Variants in PREX2 observed in about 807,000 individuals in gnomAD.
PREX2 encodes the protein phosphatidylinositol-3,4,5-trisphosphate dependent Rac exchange factor 2, also known as phosphatidylinositol 3,4,5-trisphosphate-dependent Rac exchanger 2 protein.
Under a neutral mutation model 203.2 loss-of-function variants are expected in PREX2, and 107 were observed. That is an observed-to-expected ratio of 0.53 (90% CI 0.45 to 0.62). The LOEUF is 0.62. Among genes scored for constraint, PREX2 ranks in the 20% least tolerant of loss-of-function variants. The probability of loss-of-function intolerance (pLI) is 0.00; values close to 1 mark genes in which losing one functional copy is unlikely to be tolerated. For synonymous variants in PREX2, 672 were observed against 663.6 expected, an observed-to-expected ratio of 1.01 and a Z score of -0.19; for missense variants, 1,777 against 1,955.9, an observed-to-expected ratio of 0.91 and a Z score of 1.72.
chr8:68,189,354 G>C (rs543248256), intron 35 of PREX2, among the ~76,000 whole-genome samples: 5 of 152,280 alleles, frequency 3.3e-5, no homozygotes, highest in Non-Finnish European at 5.9e-5. Flanking sequence ...GGGCCTGTAA[G>C]GTCCTGGGGT....
chr8:68,148,881 G>A (rs1472206230), intron 34 of PREX2, among the ~76,000 whole-genome samples: 1 of 152,146 alleles, frequency 6.6e-6, no homozygotes, highest in African/African-American at 2.4e-5. Context: ...CTCCCATGAG[G>A]AATCATTAGT....
At chr8:67,964,950 C>T (rs1008089036) in intron 1 of PREX2, among the ~76,000 whole-genome samples, 4 of 152,098 alleles carry the variant, frequency 2.6e-5, no homozygotes, top group Non-Finnish European at 2.9e-5. Context: ...AATCACAGCC[C>T]GGACTCTTCT....
chr8:68,104,162 T>C (rs899525945), intron 23 of PREX2, among the ~76,000 whole-genome samples: 3 of 152,166 alleles, frequency 2.0e-5, no homozygotes, highest in Non-Finnish European at 2.9e-5. Flanking sequence ...CCTTCAAACA[T>C]GCAGCCTTTC....
intron 1 of PREX2, among the ~76,000 whole-genome samples, chr8:67,997,484 A>G (rs1354216717): frequency 1.3e-5 from 2 of 152,144 alleles, no homozygotes; most frequent in South Asian, 4.1e-4. Flanking sequence ...TGTCCATTTT[A>G]TGCTCATTCT....
At chr8:68,098,950 A>G (rs1031944528) in intron 22 of PREX2, among the ~76,000 whole-genome samples, 9 of 81,700 alleles carry the variant, frequency 1.1e-4, no homozygotes, top group African/African-American at 2.9e-4. Flanking sequence ...ATATATATAT[A>G]TATATATATA....
chr8:68,069,747 A>G (rs757251035), intron 12 of PREX2, 88 bp from the exon 13 acceptor site: 9 of 621,094 alleles, frequency 1.4e-5, no homozygotes, highest in Non-Finnish European at 2.3e-5. Context: ...TAAAATATTG[A>G]CAGTGAATTA....
chr8:68,186,457 G>A (rs887678434), intron 35 of PREX2, among the ~76,000 whole-genome samples: 1 of 152,108 alleles, frequency 6.6e-6, no homozygotes, highest in African/African-American at 2.4e-5. Flanking sequence ...TGTAAAAAAA[G>A]CTTAAGAAAC....
rs774384157 is a variant in PREX2 at position 68,099,727 on chromosome 8, T to C, written c.2599T>C (p.Cys867Arg). ...AKSDEHFVQN[C>R]TSLNSLNEVI... is the part of the protein sequence containing the mutation. ...AAGTGATGAGCATTTTGTACAAAACTGTACCAGCCTAAATTCTCTAAATGA... is the reference window on the plus strand; with the variant it reads ...AAGTGATGAGCATTTTGTACAAAACCGTACCAGCCTAAATTCTCTAAATGA... Residue 867 changes from cysteine to arginine, a missense_variant, in exon 23 of 40, where the codon TGT becomes CGT. By Grantham distance (180) the Cys-to-Arg change is radical (BLOSUM62 -3). Coordinates refer to ENST00000288368, the MANE Select transcript of PREX2 (RefSeq NM_024870.4). The C allele has an allele frequency of 2.7e-5, 44 of 1,614,000 alleles. 3 individuals are homozygous for C. In the South Asian group the frequency reaches 4.3e-4, roughly 16 times the overall value.
intron 1 of PREX2, among the ~76,000 whole-genome samples, chr8:67,971,096 G>T (rs1338236590): frequency 6.6e-6 from 1 of 152,126 alleles, no homozygotes; most frequent in Non-Finnish European, 1.5e-5. Context: ...GATAAAGGTA[G>T]CTTGGGGCCA....
chr8:68,197,948 A>G lies in PREX2; in HGVS notation c.4604+5423A>G, dbSNP rs182328696. Among the ~76,000 whole-genome samples the G allele has an allele frequency of 2.3e-3, 352 of 152,066 alleles. 1 individual carries two copies. The highest frequency in any genetic ancestry group is 8.1e-3 in the African/African-American group (338 of 41,546). On this transcript the variant is annotated intron_variant, in intron 37 of 39. Coordinates refer to ENST00000288368, the MANE Select transcript of PREX2 (RefSeq NM_024870.4). ...TTTATCTTCTTTCTCAATTGTATAT[A>G]AGAAACTACAGAGCGGCATCTTTCT... is the stretch of plus-strand genomic sequence containing the variant.
chr8:68,011,381 G>A (rs918974968), intron 1 of PREX2, among the ~76,000 whole-genome samples: 7 of 151,792 alleles, frequency 4.6e-5, no homozygotes, highest in South Asian at 4.2e-4. Flanking sequence ...AAATGGCTAC[G>A]GCTACAAAGA....
rs553839134 is a variant in PREX2 at position 68,208,475 on chromosome 8, G to T, written c.4605-9141G>T. On this transcript the variant is annotated intron_variant, in intron 37 of 39. Coordinates refer to ENST00000288368, the MANE Select transcript of PREX2 (RefSeq NM_024870.4). ...AAAAAAAATCATGGTACAGAAATTTGTAAGAAATTAAATAACTTCTATGTC... is the reference window on the plus strand; with the variant it reads ...AAAAAAAATCATGGTACAGAAATTTTTAAGAAATTAAATAACTTCTATGTC... 1.9e-3 allele frequency among the ~76,000 whole-genome samples: 283 copies of T among 152,164 alleles called. 2 individuals carry two copies. Among genetic ancestry groups the T allele is most frequent in the Non-Finnish European group, 2.9e-3 (199 of 67,988 alleles).
intron 23 of PREX2, chr8:68,106,221 C>A: frequency 2.2e-6 from 1 of 454,328 alleles, no homozygotes; most frequent in Non-Finnish European, 4.2e-6. Flanking sequence ...GATTTCAGTG[C>A]CTTTATTTGT....
intron 14 of PREX2, among the ~76,000 whole-genome samples, chr8:68,076,987 ATAGT>A (rs1809372550): frequency 6.6e-6 from 1 of 152,182 alleles, no homozygotes; most frequent in Admixed American, 6.5e-5. Context: ...GTGGAAGGGA[ATAGT>A]TAGTGACTGA....
At chr8:68,194,740 G>A (rs1021610682) in intron 37 of PREX2, among the ~76,000 whole-genome samples, 7 of 151,762 alleles carry the variant, frequency 4.6e-5, no homozygotes, top group Admixed American at 2.6e-4. Flanking sequence ...GGCGGAGGTC[G>A]CAGTGAGCGG....
intron 1 of PREX2, among the ~76,000 whole-genome samples, chr8:67,974,756 C>G (rs529284807): frequency 6.6e-6 from 1 of 152,252 alleles, no homozygotes; most frequent in South Asian, 2.1e-4. Context: ...ATCCTCCTAA[C>G]CTAGAGATGA....
In PREX2 at chr8:68,224,604, C is replaced by T. The variant is rs780008732; in HGVS notation, c.4753C>T (p.Arg1585Trp). 37 of 1,613,352 alleles carry T rather than the reference C, an allele frequency of 2.3e-5. No individual in the cohort carries two copies. Among genetic ancestry groups the T allele is most frequent in the South Asian group, 2.2e-4 (20 of 91,058 alleles). Residue 1585 changes from arginine (R) to tryptophan (W), a missense_variant, in exon 39 of 40, where the codon CGG becomes TGG. By Grantham distance (101) the Arg-to-Trp change is moderately radical (BLOSUM62 -3). Transcript: ENST00000288368. The stretch of plus-strand genomic sequence containing the variant: ...AGCGAAGAATTTGGGAGTCAGAGAC[C>T]GGACTCCACAGTCTGCACCAAGGTA... ...NTAKNLGVRD[R>W]TPQSAPRLYK...
Position 67,962,458 on chromosome 8 carries a change from C to G in PREX2, c.141+9923C>G, listed in dbSNP as rs190054562. Among the ~76,000 whole-genome samples the G allele has an allele frequency of 4.6e-5, 7 of 152,094 alleles. No homozygotes were observed. In the East Asian group the frequency reaches 1.4e-3, roughly 29 times the overall value. On this transcript the variant is annotated intron_variant, in intron 1 of 39. Transcript: ENST00000288368. ...AATTGACCTAAATGTTAGTCCCGCA[C>G]CCACATACTCCAAGATTATTTTAAG... is the stretch of plus-strand genomic sequence containing the variant.
intron 1 of PREX2, among the ~76,000 whole-genome samples, chr8:67,999,191 TTTTTGAAAAAA>T (rs755309924): frequency 0.11 from 16,942 of 151,750 alleles, 951 homozygotes; most frequent in South Asian, 0.16. Flanking sequence ...AGTAGTTGGG[TTTTTGAAAAAA>T]TTAGTAGGAT....
Sources: allele counts gnomAD v4.1 joint callset (sites outside exome capture counted in the v4.1 genomes callset), GRCh38; gene constraint gnomAD v4.1.1; transcripts MANE v1.5; gene names NCBI Gene and HGNC (gene_info 2026-07-23, HGNC 2026-07-21).